Variants in ZNF516 observed in about 807,000 individuals in gnomAD.
ZNF516 encodes the protein zinc finger protein 516.
In ZNF516, 19 loss-of-function variants were observed where a neutral mutation model predicts 79.7. The ratio of observed to expected loss-of-function variants is 0.24; its 90% CI spans 0.17 to 0.35. The LOEUF is 0.35. ZNF516 is among the 10% of genes least tolerant of loss of function. The probability of loss-of-function intolerance (pLI) is 1.00; values close to 1 mark genes in which losing one functional copy is unlikely to be tolerated. For synonymous variants in ZNF516, 877 were observed against 739.5 expected, an observed-to-expected ratio of 1.19 and a Z score of -3.02; for missense variants, 1,678 against 1,679.5, an observed-to-expected ratio of 1.00 and a Z score of 0.02.
At chr18:76,450,924 T>C (rs894046794) in intron 2 of ZNF516, among the ~76,000 whole-genome samples, 3 of 152,186 alleles carry the variant, frequency 2.0e-5, no homozygotes, top group Non-Finnish European at 4.4e-5. Context: ...CTACCGAAGT[T>C]GACCTTATTA....
chr18:76,475,261 G>A (rs1260167348), intron 1 of ZNF516, among the ~76,000 whole-genome samples: 4 of 152,154 alleles, frequency 2.6e-5, no homozygotes, highest in Non-Finnish European at 5.9e-5. Flanking sequence ...GAGATAAAAT[G>A]AGCAATAAAC....
intron 1 of ZNF516, among the ~76,000 whole-genome samples, chr18:76,472,488 G>A (rs1438655705): frequency 6.6e-6 from 1 of 152,208 alleles, no homozygotes; most frequent in Admixed American, 6.5e-5. Context: ...CGTACACTCA[G>A]GCACACTTAC....
intron 3 of ZNF516, among the ~76,000 whole-genome samples, chr18:76,390,782 A>G (rs1264358687): frequency 6.6e-6 from 1 of 152,168 alleles, no homozygotes; most frequent in East Asian, 1.9e-4. Context: ...TGTGATAAAC[A>G]CATGACACTT....
intron 1 of ZNF516, among the ~76,000 whole-genome samples, chr18:76,483,082 C>T (rs1568329378): frequency 6.6e-6 from 1 of 152,140 alleles, no homozygotes; most frequent in Non-Finnish European, 1.5e-5. Context: ...TACGTTTGCT[C>T]ATGTTGAGAA....
intron 3 of ZNF516, among the ~76,000 whole-genome samples, chr18:76,420,391 T>A (rs773051090): frequency 6.6e-6 from 1 of 152,316 alleles, no homozygotes; most frequent in African/African-American, 2.4e-5. Flanking sequence ...CTTATTTCTG[T>A]AAAGGTCATC....
intron 2 of ZNF516, among the ~76,000 whole-genome samples, chr18:76,455,738 G>C (rs1404382587): frequency 2.0e-5 from 3 of 152,168 alleles, no homozygotes; most frequent in Non-Finnish European, 4.4e-5. Flanking sequence ...ATGCGCCAAT[G>C]CAAGTCTGTG....
rs545818426 is a variant in ZNF516, at chr18:76,375,519, C to T, written c.3259+3336G>A. ...CCCTGGATACCAGGTAGAGGATGGA[C>T]GCAGAAGGTCCTGGAGATCAGGTAG... On this transcript the variant is annotated intron_variant, in intron 4 of 6. Coordinates refer to ENST00000443185, the MANE Select transcript of ZNF516 (RefSeq NM_014643.4). Among the ~76,000 whole-genome samples, 26 of 144,470 alleles carry T rather than the reference C, an allele frequency of 1.8e-4. No homozygotes were observed. In the South Asian group the frequency reaches 5.4e-3, roughly 30 times the overall value. The allele number at this position is 144,470 out of a possible 152,430, so 94.8% of individuals were successfully genotyped here.
intron 6 of ZNF516, among the ~76,000 whole-genome samples, chr18:76,368,546 C>A: frequency 6.6e-6 from 1 of 151,842 alleles, no homozygotes. Flanking sequence ...ATCTTCACAC[C>A]AACAGTTAAT....
intron 1 of ZNF516, among the ~76,000 whole-genome samples, chr18:76,474,180 G>A (rs992710509): frequency 3.9e-5 from 6 of 152,182 alleles, no homozygotes; most frequent in African/African-American, 9.7e-5. Context: ...CAAATCTCTC[G>A]TAAGCATGGC....
At chr18:76,433,220 C>A (rs570382478) in intron 3 of ZNF516, among the ~76,000 whole-genome samples, 1 of 152,178 alleles carries the variant, frequency 6.6e-6, no homozygotes, top group African/African-American at 2.4e-5. Context: ...CACCACTGAC[C>A]GCTGAGTACT....
intron 3 of ZNF516, among the ~76,000 whole-genome samples, chr18:76,402,275 C>T (rs555705357): frequency 2.6e-4 from 40 of 152,330 alleles, no homozygotes; most frequent in African/African-American, 9.1e-4. Flanking sequence ...GCGCAGCTGC[C>T]TCCAGAGAAG....
intron 3 of ZNF516, among the ~76,000 whole-genome samples, chr18:76,425,662 A>G (rs2075582979): frequency 6.6e-6 from 1 of 152,240 alleles, no homozygotes; most frequent in Admixed American, 6.5e-5. Flanking sequence ...ATGCTCATGC[A>G]GATGACCTAA....
At chr18:76,433,775 G>A (rs1348895819) in intron 3 of ZNF516, among the ~76,000 whole-genome samples, 1 of 152,202 alleles carries the variant, frequency 6.6e-6, no homozygotes, top group Non-Finnish European at 1.5e-5. Context: ...CTTAGTCGCA[G>A]CACATCACGG....
At chr18:76,418,651 G>A (rs2075467874) in intron 3 of ZNF516, among the ~76,000 whole-genome samples, 1 of 152,076 alleles carries the variant, frequency 6.6e-6, no homozygotes, top group Non-Finnish European at 1.5e-5. Flanking sequence ...AGAAGATTGT[G>A]CTTCTGGGTT....
intron 3 of ZNF516, among the ~76,000 whole-genome samples, chr18:76,414,032 C>A (rs1211175282): frequency 1.3e-5 from 2 of 152,170 alleles, no homozygotes; most frequent in Non-Finnish European, 2.9e-5. Flanking sequence ...TTGAGAAATT[C>A]TTAGGCCATC....
intron 3 of ZNF516, among the ~76,000 whole-genome samples, chr18:76,409,771 T>C (rs992446869): frequency 6.6e-6 from 1 of 152,226 alleles, no homozygotes; most frequent in Non-Finnish European, 1.5e-5. Flanking sequence ...TAGGCTTTGC[T>C]ACAAATTACA....
In ZNF516 at chr18:76,442,418, C is replaced by T. The variant is rs773431217; in HGVS notation, c.637G>A (p.Glu213Lys). The T allele has an allele frequency of 1.2e-6, 2 of 1,607,356 alleles. No individual in the cohort carries two copies. Among genetic ancestry groups the T allele is most frequent in the South Asian group, 1.1e-5 (1 of 91,076 alleles). Residue 213 changes from glutamate to lysine, a missense_variant, in exon 3 of 7, where the codon GAG becomes AAG. Glu to Lys is a moderately conservative substitution (Grantham distance 56). This residue lies in a region of ZNF516 where 279 missense variants were observed against 254.1 expected (regional missense o/e 1.10). Transcript: ENST00000443185. Reference protein sequence around the residue: ...RLCSYATLREESLLSHIERDH... With the variant: ...RLCSYATLREKSLLSHIERDH... ...CTCTCGATGTGGCTCAGCAGCGACT[C>T]CTCCCGCAGCGTCGCGTAGCTGCAC... is the stretch of plus-strand genomic sequence containing the variant.
In ZNF516 at chr18:76,487,892, G is replaced by A. The variant is rs1448273310; in HGVS notation, c.-272+7252C>T. The A allele has an allele frequency of 8.2e-6, 8 of 980,044 alleles. No homozygotes were observed. In the East Asian group the frequency reaches 5.7e-4, roughly 70 times the overall value. The allele number at this position is 980,044 out of a possible 1,614,324, so 60.7% of individuals were successfully genotyped here. ...CCACTACACTTTCGGCCAGTCAGGTGGAAGGACTGAGGATGAGAGCCCCCA... is the reference window on the plus strand; with the variant it reads ...CCACTACACTTTCGGCCAGTCAGGTAGAAGGACTGAGGATGAGAGCCCCCA... On this transcript the variant is annotated intron_variant, in intron 1 of 6. Transcript: ENST00000443185.
At chr18:76,472,148 C>A (rs530352174) in intron 1 of ZNF516, among the ~76,000 whole-genome samples, 1 of 152,200 alleles carries the variant, frequency 6.6e-6, no homozygotes, top group Non-Finnish European at 1.5e-5. Flanking sequence ...CCTTGGTCAG[C>A]GTCCCTGGCC....
Sources: allele counts gnomAD v4.1 joint callset (sites outside exome capture counted in the v4.1 genomes callset), GRCh38; gene constraint gnomAD v4.1.1; regional missense constraint gnomAD v4.1.1; transcripts MANE v1.5; gene names NCBI Gene and HGNC (gene_info 2026-07-23, HGNC 2026-07-21).